TBC1D9: variants seen among roughly 807,000 people sequenced by gnomAD.
The protein encoded by TBC1D9 is TBC1 domain family member 9A.
In TBC1D9, 63 loss-of-function variants were observed where a neutral mutation model predicts 132.0. That is an observed-to-expected ratio of 0.48 (90% CI 0.39 to 0.59). TBC1D9 has a LOEUF of 0.59. TBC1D9 is among the 20% of genes least tolerant of loss of function. The pLI, the probability that TBC1D9 is intolerant of heterozygous loss-of-function variation, is 0.00. For synonymous variants in TBC1D9, 610 were observed against 609.9 expected, an observed-to-expected ratio of 1.00 and a Z score of 0.00; for missense variants, 1,261 against 1,592.7, an observed-to-expected ratio of 0.79 and a Z score of 3.54.
At chr4:140,635,947 A>T (rs1736872999) in intron 15 of TBC1D9, among the ~76,000 whole-genome samples, 1 of 152,192 alleles carries the variant, frequency 6.6e-6, no homozygotes, top group Non-Finnish European at 1.5e-5. Context: ...TGTGGGCAGC[A>T]TGGTGTTGGG....
rs747102322 is a variant in TBC1D9, at chr4:140,701,583, C to T, written c.162G>A (p.Leu54=). The T allele has an allele frequency of 6.2e-6, 10 of 1,613,754 alleles. No individual in the cohort carries two copies. Among genetic ancestry groups the T allele is most frequent in the Non-Finnish European group, 8.5e-6 (10 of 1,179,866 alleles). Residue 54 remains leucine (L), a synonymous_variant, in exon 2 of 21, where the codon TTG becomes TTA. Transcript: ENST00000442267. The part of the protein sequence containing the change: ...GLLVGTLDVV[L]DSSARVAPYR... ...AAGGAGCGACCCGGGCGCTGGAGTC[C>T]AACACAACATCAAGGGTACCCACCA...
chr4:140,673,074 C>G (rs1042912145), intron 6 of TBC1D9, among the ~76,000 whole-genome samples: 29 of 151,740 alleles, frequency 1.9e-4, no homozygotes, highest in African/African-American at 7.0e-4. Flanking sequence ...GCAGGACAAT[C>G]ACTTGATCCC....
At chr4:140,626,187 T>A (rs1736707838) in intron 18 of TBC1D9, among the ~76,000 whole-genome samples, 1 of 152,156 alleles carries the variant, frequency 6.6e-6, no homozygotes, top group Non-Finnish European at 1.5e-5. Flanking sequence ...TTACTTCCAA[T>A]ATATAATATT....
At chr4:140,705,692 C>T (rs1300220598) in intron 1 of TBC1D9, among the ~76,000 whole-genome samples, 3 of 152,074 alleles carry the variant, frequency 2.0e-5, no homozygotes, top group African/African-American at 7.2e-5. Flanking sequence ...AGAGAATCCC[C>T]CCGCCCCACT....
intron 13 of TBC1D9, chr4:140,644,368 A>G: frequency 7.0e-6 from 2 of 284,880 alleles, no homozygotes; most frequent in South Asian, 7.2e-5. Flanking sequence ...GGGTAGGTGT[A>G]GGCAGGCGCC....
chr4:140,688,921 G>C (rs554424514), intron 2 of TBC1D9, among the ~76,000 whole-genome samples: 2 of 151,920 alleles, frequency 1.3e-5, no homozygotes, highest in East Asian at 3.9e-4. Flanking sequence ...GCCCTTCCTT[G>C]TCTGTAACCA....
intron 1 of TBC1D9, among the ~76,000 whole-genome samples, chr4:140,728,083 T>C (rs1273864699): frequency 6.6e-6 from 1 of 152,254 alleles, no homozygotes; most frequent in Non-Finnish European, 1.5e-5. Context: ...AGGACACATT[T>C]ATTTTTAAAG....
At chr4:140,679,331 G>T (rs747327286) in intron 4 of TBC1D9, 128 bp from the exon 5 acceptor site, 4 of 1,056,470 alleles carry the variant, frequency 3.8e-6, no homozygotes, top group Non-Finnish European at 4.1e-6. Flanking sequence ...TATTTGTTTT[G>T]CTTGTTCATT....
chr4:140,631,550 T>C (rs930127864), intron 16 of TBC1D9, among the ~76,000 whole-genome samples: 1 of 151,774 alleles, frequency 6.6e-6, no homozygotes, highest in African/African-American at 2.4e-5. Flanking sequence ...TCTCTGGGGA[T>C]TGATATAAAA....
chr4:140,679,706 G>T lies in TBC1D9; in HGVS notation c.498C>A (p.Cys166Ter). The change falls in exon 4 of 21, where the codon TGC becomes TGA. Residue 166 changes from cysteine (C) to a stop codon, truncating the protein, a stop_gained. Transcript: ENST00000442267. LOFTEE classifies it high-confidence loss of function. ...GGGGGACCTTCCCCTTCCAATAGCT[G>T]CAAGAGTAATAGTTGACGAGTTTCT... ...EEEKLVNYYSCSYWKGKVPRQ... is the reference protein window; with the variant it reads ...EEEKLVNYYS 6.2e-7 allele frequency: 1 copy of T among 1,613,798 alleles called. No individual in the cohort carries two copies. The highest frequency in any genetic ancestry group is 8.5e-7 in the Non-Finnish European group (1 of 1,179,806).
chr4:140,634,295 C>G (rs1425427191), intron 15 of TBC1D9, 107 bp from the exon 16 acceptor site: 7 of 1,485,934 alleles, frequency 4.7e-6, no homozygotes, highest in Non-Finnish European at 6.3e-6. Flanking sequence ...CTGTGTGCAT[C>G]CCCTGGGGCA....
chr4:140,675,119 A>C (rs1737603707), intron 6 of TBC1D9, among the ~76,000 whole-genome samples: 3 of 152,294 alleles, frequency 2.0e-5, no homozygotes, highest in Admixed American at 2.0e-4. Flanking sequence ...AAATTATATA[A>C]ATGACACATA....
chr4:140,709,248 T>TCACACACACACA (rs36222926), intron 1 of TBC1D9, among the ~76,000 whole-genome samples: 6 of 104,192 alleles, frequency 5.8e-5, no homozygotes, highest in African/African-American at 2.2e-4. Flanking sequence ...TCTCTCTCTC[T>TCACACACACACA]CACACACACA....
chr4:140,705,522 G>A (rs1467313490), intron 1 of TBC1D9, among the ~76,000 whole-genome samples: 3 of 137,576 alleles, frequency 2.2e-5, no homozygotes, highest in African/African-American at 1.1e-4. Context: ...ATGTGTGTGT[G>A]TGTGTGTGTG....
intron 5 of TBC1D9, 129 bp downstream of exon 5, chr4:140,678,812 TA>T: frequency 8.7e-7 from 1 of 1,146,960 alleles, no homozygotes; most frequent in Non-Finnish European, 1.2e-6. Context: ...TAGTCTTTTT[TA>T]GTTTTGTATC....
Position 140,669,654 on chromosome 4 carries a change from C to A in TBC1D9, c.1417G>T (p.Glu473Ter), listed in dbSNP as rs371585876. The change falls in exon 8 of 21, where the codon GAG becomes TAG. Residue 473 changes from glutamate (E) to a stop codon, truncating the protein, a stop_gained. Coordinates refer to ENST00000442267, the MANE Select transcript of TBC1D9 (RefSeq NM_015130.3). LOFTEE classifies it high-confidence loss of function. ...LMTMYRRRSP[E>*]EFNPKLAKEF... ...CCCACCAATTTCGGGTTGAACTCCT[C>A]GGGAGACCGCCGCCGATACATGGTC... 1 of 1,611,994 alleles carries A rather than the reference C, an allele frequency of 6.2e-7. No homozygotes were observed. The highest frequency in any genetic ancestry group is 1.3e-5 in the African/African-American group (1 of 74,906).
chr4:140,649,400 C>A (rs1423448400), intron 13 of TBC1D9, among the ~76,000 whole-genome samples: 2 of 152,204 alleles, frequency 1.3e-5, no homozygotes, highest in Non-Finnish European at 2.9e-5. Flanking sequence ...ATGGGGTTCA[C>A]TACTGTTAGC....
At chr4:140,624,512 C>A (rs369389995) in intron 18 of TBC1D9, 124 bp from the exon 19 acceptor site, 21 of 689,768 alleles carry the variant, frequency 3.0e-5, no homozygotes, top group Non-Finnish European at 2.8e-5. Flanking sequence ...AACAAACAAA[C>A]AAAAAAAAAC....
At chr4:140,669,479 C>A (rs879069376) in intron 8 of TBC1D9, among the ~76,000 whole-genome samples, 155 bp downstream of exon 8, 2 of 152,190 alleles carry the variant, frequency 1.3e-5, no homozygotes, top group South Asian at 4.2e-4. Context: ...CATGAAGCCA[C>A]TGTGAAAGTT....
Sources: gnomAD v4.1 joint callset for allele counts (sites outside exome capture counted in the v4.1 genomes callset) on GRCh38, gnomAD v4.1.1 for gene constraint, MANE v1.5 for transcripts, NCBI Gene and HGNC (gene_info 2026-07-23, HGNC 2026-07-21) for gene names.